The following COL27A1 variants were observed in gnomAD, a reference collection of about 807,000 sequenced individuals.
The protein encoded by COL27A1 is collagen alpha-1(XXVII) chain.
COL27A1 carries 106 observed loss-of-function variants against 251.3 expected under a neutral mutation model. The observed-to-expected ratio is 0.42, with a 90% CI of 0.36 to 0.50. COL27A1 has a LOEUF of 0.50. Among genes scored for constraint, COL27A1 ranks in the 20% least tolerant of loss-of-function variants. The pLI is 0.00. For missense variants in COL27A1, 2,325 were observed against 2,522.8 expected, an observed-to-expected ratio of 0.92 and a Z score of 1.68; for synonymous variants, 1,000 against 986.3, an observed-to-expected ratio of 1.01 and a Z score of -0.26.
chr9:114,307,267 GA>G (rs1358446224), intron 58 of COL27A1: 1 of 183,602 alleles, frequency 5.4e-6, no homozygotes, highest in Non-Finnish European at 1.1e-5. Context: ...AGCGCTGGCT[GA>G]TGGGGTGGGA....
Position 114,166,444 on chromosome 9 carries a change from T to TATCCATCCATCCATCCGTCCATCC in COL27A1, c.134-1229_134-1228insGTCCATCCATCCATCCATCCATCC, listed in dbSNP as rs1554786443. On this transcript the variant is annotated intron_variant, in intron 2 of 60. Transcript: ENST00000356083. ...CCATTCATCCATCCATCCATTCATC[T>TATCCATCCATCCATCCGTCCATCC]ATCCATCCATCCATCCATCCATCCA... Among the ~76,000 whole-genome samples, 597 of 140,938 alleles carry TATCCATCCATCCATCCGTCCATCC rather than the reference T, an allele frequency of 4.2e-3. 2 individuals are homozygous for TATCCATCCATCCATCCGTCCATCC. The highest frequency in any genetic ancestry group is 6.4e-3 in the Non-Finnish European group (415 of 65,212). The allele number at this position is 140,938 out of a possible 152,430, so 92.5% of individuals were successfully genotyped here.
rs11790566 is a variant in COL27A1 at position 114,209,579 on chromosome 9, G to A, written c.2269-96G>A. ...CCACCAGGGAGGAAGAGGAGGAGCC[G>A]GGATGTGGGATGGCAGTGGTGGGTG... On this transcript the variant is annotated intron_variant, in intron 10 of 60. Transcript: ENST00000356083. 1.1e-3 allele frequency: 1,228 copies of A among 1,115,310 alleles called. 1 individual carries two copies. The highest frequency in any genetic ancestry group is 1.5e-3 in the Non-Finnish European group (1,110 of 724,750). The allele number at this position is 1,115,310 out of a possible 1,614,324, so 69.1% of individuals were successfully genotyped here.
chr9:114,289,143 C>T, intron 44 of COL27A1, 99 bp from the exon 45 acceptor site: 1 of 1,290,770 alleles, frequency 7.7e-7, no homozygotes, highest in Non-Finnish European at 1.1e-6. Context: ...CCTGCACCCC[C>T]AAACCCCTCC....
At chr9:114,162,842 G>T in intron 2 of COL27A1, 57 bp downstream of exon 2, 1 of 1,279,236 alleles carries the variant, frequency 7.8e-7, no homozygotes, top group South Asian at 1.2e-5. Flanking sequence ...AGGGGCCTGA[G>T]AACTCAGGGG....
chr9:114,188,847 A>T (rs1215087261), intron 5 of COL27A1, among the ~76,000 whole-genome samples: 1 of 152,120 alleles, frequency 6.6e-6, no homozygotes, highest in Non-Finnish European at 1.5e-5. Flanking sequence ...GTTTTTCTTA[A>T]ATCTCTTTTC....
In COL27A1 at chr9:114,231,841, G is replaced by A; in HGVS notation, c.2540G>A (p.Gly847Glu). ...TTGCAGGGACTGATGGGCAGCGTGG[G>A]GGAGCCCGGACTGAAAGGTGATAAG... ...KGMKGLMGSV[G>E]EPGLKGDKGE... The change falls in exon 16 of 61, where the codon GGG becomes GAG. Residue 847 changes from glycine to glutamate, a missense_variant. By Grantham distance (98) the Gly-to-Glu change is moderately conservative. Coordinates refer to ENST00000356083, the MANE Select transcript of COL27A1 (RefSeq NM_032888.4). The A allele has an allele frequency of 6.2e-7, 1 of 1,614,198 alleles. No individual in the cohort carries two copies. The highest frequency in any genetic ancestry group is 8.5e-7 in the Non-Finnish European group (1 of 1,180,024).
chr9:114,308,942 G>A (rs764448951), intron 59 of COL27A1, among the ~76,000 whole-genome samples: 6 of 152,034 alleles, frequency 3.9e-5, no homozygotes, highest in Admixed American at 1.3e-4. Flanking sequence ...CCTCTCCCTC[G>A]CTGAGCTCCT....
intron 2 of COL27A1, among the ~76,000 whole-genome samples, chr9:114,166,718 G>T (rs1233568742): frequency 6.6e-6 from 1 of 152,212 alleles, no homozygotes; most frequent in Non-Finnish European, 1.5e-5. Context: ...CTGACTGAAG[G>T]GGTCTAATGA....
intron 28 of COL27A1, 101 bp downstream of exon 28, chr9:114,258,695 G>C: frequency 1.6e-6 from 2 of 1,234,972 alleles, no homozygotes; most frequent in Non-Finnish European, 1.2e-6. Context: ...CCCTAGCCCA[G>C]CTCTGGGATC....
At chr9:114,281,177 G>A (rs1835874974) in intron 37 of COL27A1, among the ~76,000 whole-genome samples, 1 of 152,224 alleles carries the variant, frequency 6.6e-6, no homozygotes, top group African/African-American at 2.4e-5. Context: ...CAAGAGCATA[G>A]ACATTCTTTC....
intron 35 of COL27A1, 22 bp downstream of exon 35, chr9:114,269,316 T>G (rs762338109): frequency 1.3e-6 from 2 of 1,597,662 alleles, no homozygotes; most frequent in Non-Finnish European, 1.7e-6. Context: ...CAATTTATTC[T>G]TCCTGAAAGC....
chr9:114,284,114 C>A (rs2131597883), intron 40 of COL27A1, among the ~76,000 whole-genome samples: 1 of 152,356 alleles, frequency 6.6e-6, no homozygotes, highest in East Asian at 1.9e-4. Flanking sequence ...GAGCCAAACC[C>A]ATGTTACACA....
intron 3 of COL27A1, 115 bp from the exon 4 acceptor site, chr9:114,178,176 T>G: frequency 1.2e-6 from 1 of 854,434 alleles, no homozygotes; most frequent in Non-Finnish European, 2.0e-6. Context: ...CTCCTCCTCT[T>G]AGCCGCGGAC....
At chr9:114,205,171 C>T (rs780141692) in intron 8 of COL27A1, 25 bp downstream of exon 8, 22 of 1,608,508 alleles carry the variant, frequency 1.4e-5, no homozygotes, top group Non-Finnish European at 1.9e-5. Flanking sequence ...CTCAGCCCTG[C>T]CCTGGTCGCT....
Position 114,205,778 on chromosome 9 carries a change from G to C in COL27A1, c.2189G>C (p.Gly730Ala). Residue 730 changes from glycine (G) to alanine (A), a missense_variant, in exon 9 of 61, where the codon GGC becomes GCC. Gly to Ala is a moderately conservative substitution (Grantham distance 60, BLOSUM62 0). This residue lies in a region of COL27A1 where 1,183 missense variants were observed against 1,144.1 expected (regional missense o/e 1.03). Transcript: ENST00000356083. ...PGEQGQPGPE[G>A]SPGAKGYPGR... ...TTGCAGGGGCAGCCAGGACCTGAGGGCAGCCCAGGGGCCAAAGGTTACCCT... is the reference window on the plus strand; with the variant it reads ...TTGCAGGGGCAGCCAGGACCTGAGGCCAGCCCAGGGGCCAAAGGTTACCCT... 1.2e-6 allele frequency: 2 copies of C among 1,614,072 alleles called. No homozygotes were observed. Among genetic ancestry groups the C allele is most frequent in the Non-Finnish European group, 8.5e-7 (1 of 1,179,966 alleles).
rs1444451774 is a variant in COL27A1, at chr9:114,265,122, C to T, written c.3339+12C>T. The T allele has an allele frequency of 6.2e-7, 1 of 1,602,658 alleles. No homozygotes were observed. The highest frequency in any genetic ancestry group is 1.4e-5 in the African/African-American group (1 of 73,046). ...CGAGAGGCTTTCCTGTAAGTAGCACCAGTTCTTGAAATTCTCTACATGGGG... is the reference window on the plus strand; with the variant it reads ...CGAGAGGCTTTCCTGTAAGTAGCACTAGTTCTTGAAATTCTCTACATGGGG... On this transcript the variant is annotated intron_variant, in intron 31 of 60. Transcript: ENST00000356083.
At chr9:114,157,106 A>ACACG (rs142812937) in intron 1 of COL27A1, among the ~76,000 whole-genome samples, 58 of 147,918 alleles carry the variant, frequency 3.9e-4, no homozygotes, top group African/African-American at 8.0e-4. Context: ...ACACACACAT[A>ACACG]CGCGCGCGCG....
intron 28 of COL27A1, among the ~76,000 whole-genome samples, chr9:114,258,812 C>G (rs1230917207): frequency 6.6e-6 from 1 of 152,238 alleles, no homozygotes; most frequent in East Asian, 1.9e-4. Flanking sequence ...TGCTATCCAC[C>G]AGGCACAGTC....
intron 27 of COL27A1, among the ~76,000 whole-genome samples, chr9:114,255,874 C>T (rs995913133): frequency 3.9e-5 from 6 of 152,128 alleles, no homozygotes; most frequent in East Asian, 1.9e-4. Context: ...TTGCCGGCTG[C>T]GGGATTGTTG....
Sources: allele counts gnomAD v4.1 joint callset (sites outside exome capture counted in the v4.1 genomes callset), GRCh38; gene constraint gnomAD v4.1.1; regional missense constraint gnomAD v4.1.1; transcripts MANE v1.5; gene names NCBI Gene and HGNC (gene_info 2026-07-23, HGNC 2026-07-21).